Variants in GTPBP6 observed in about 807,000 individuals in gnomAD.
The protein encoded by GTPBP6 is GTP binding protein 6.
In GTPBP6, 33 loss-of-function variants were observed where a neutral mutation model predicts 28.9. That is an observed-to-expected ratio of 1.14 (90% confidence interval 0.87 to 1.53). GTPBP6 has a LOEUF of 1.53. Ranked by LOEUF, GTPBP6 falls within the 40% of genes most tolerant of loss-of-function variation. GTPBP6 has a pLI of 0.00. For missense variants in GTPBP6, 507 were observed against 408.3 expected (o/e 1.24, Z -2.08); for synonymous variants, 231 against 192.7 (o/e 1.20, Z -1.65).
intron 4 of GTPBP6, 107 bp from the exon 5 acceptor site, chrX:314,324 G>T (rs2070383488): frequency 5.4e-6 from 5 of 921,002 alleles, no homozygotes; most frequent in Non-Finnish European, 8.9e-6. Flanking sequence ...TGGGCCGAAG[G>T]GAGGAGCCGC....
At chrX:316,251 G>A (rs1210528614) in intron 2 of GTPBP6, among the ~76,000 whole-genome samples, 1 of 15,830 alleles carries the variant, frequency 6.3e-5, no homozygotes, top group Non-Finnish European at 1.6e-4. Flanking sequence ...ACATACACAC[G>A]CAGACACACA....
At chrX:318,735 C>T in exon 1 of GTPBP6, 1 of 339,632 alleles carries the variant, frequency 2.9e-6, no homozygotes, top group Non-Finnish European at 5.3e-6. Flanking sequence ...GCGGCCGCGG[C>T]CCACGCGGGA....
intron 2 of GTPBP6, among the ~76,000 whole-genome samples, chrX:315,504 T>G (rs1199567221): frequency 1.1e-5 from 1 of 92,468 alleles, no homozygotes; most frequent in Non-Finnish European, 2.4e-5. Context: ...GACATAGACA[T>G]GCATACGGTG....
intron 9 of GTPBP6, 29 bp from the exon 10 acceptor site, chrX:305,226 C>T: frequency 6.6e-7 from 1 of 1,518,292 alleles, no homozygotes; most frequent in Non-Finnish European, 9.1e-7. Flanking sequence ...TGTATGGAGA[C>T]AAGCAGAACC....
In GTPBP6 at chrX:311,546, G is replaced by A. The variant is rs755353457; in HGVS notation, c.998C>T (p.Thr333Met). 2.0e-5 allele frequency: 33 copies of A among 1,612,194 alleles called. No homozygotes were observed. The Middle Eastern group carries it at 5.9e-4, about 29-fold the overall frequency. Residue 333 changes from threonine to methionine, a missense_variant, in exon 7 of 10, where the codon ACG (threonine) becomes ATG (methionine). Thr to Met is a moderately conservative substitution (Grantham distance 81). Coordinates refer to ENST00000326153, the Ensembl canonical transcript of GTPBP6. ...TGAGGGCAGCGTGCCCGCGTGGGCC[G>A]TGACGTCCAGCGTGGCAAACAGCTG...
chrX:315,597 C>G (rs1395319028), intron 2 of GTPBP6, among the ~76,000 whole-genome samples: 21,086 of 126,436 alleles, frequency 0.17, 556 homozygotes, highest in Middle Eastern at 0.33. Context: ...GTAAATACAT[C>G]CCGACAGGGA....
exon 4 of GTPBP6, chrX:314,892 G>A (rs2070400578): frequency 5.0e-6 from 2 of 398,758 alleles, no homozygotes; most frequent in East Asian, 3.6e-5. Flanking sequence ...CACGATACCT[G>A]TGCAGCGGCA....
intron 4 of GTPBP6, among the ~76,000 whole-genome samples, chrX:314,542 G>A (rs1262838596): frequency 3.1e-4 from 47 of 151,606 alleles, no homozygotes; most frequent in African/African-American, 9.9e-4. Context: ...GCGTGATCTC[G>A]GCTCACTGCA....
exon 10 of GTPBP6, chrX:305,058 C>G: frequency 6.2e-7 from 1 of 1,611,372 alleles, no homozygotes; most frequent in Non-Finnish European, 8.5e-7. Flanking sequence ...CCCCGCAGGC[C>G]TCTGTGGGCG....
At position 314,680 on chromosome X, in the gene GTPBP6, G is replaced by A. The variant is rs1423430707; in HGVS notation, c.689+210C>T. On this transcript the variant is annotated intron_variant, in intron 4 of 9. Transcript: ENST00000326153. ...TTTAGTACAGACGGGGTTTCACCGT[G>A]TTGGCCAGGATGGTCTCGATCTCGT... is the stretch of plus-strand genomic sequence containing the variant. Among the ~76,000 whole-genome samples the A allele has an allele frequency of 6.1e-3, 927 of 152,140 alleles. 7 individuals are homozygous for A. The highest frequency in any genetic ancestry group is 0.021 in the African/African-American group (873 of 41,526).
At position 311,460 on chromosome X, in the gene GTPBP6, T is replaced by C. The variant is rs1466676570; in HGVS notation, c.1084A>G (p.Ile362Val). The C allele has an allele frequency of 1.9e-6, 3 of 1,539,780 alleles. No homozygotes were observed. In the South Asian group the frequency reaches 3.5e-5, roughly 18 times the overall value. ...TCCAGGGTGGCGGAGAAGGACTCGA[T>C]GAGGCCGTGCGGCAGCTGGGAGAGG... The change falls in exon 7 of 10, where the codon ATC becomes GTC. Residue 362 changes from isoleucine to valine, a missense_variant. Transcript: ENST00000326153.
chrX:316,963 C>T (rs1270366408), exon 2 of GTPBP6: 4 of 398,532 alleles, frequency 1.0e-5, no homozygotes, highest in Non-Finnish European at 1.3e-5. Flanking sequence ...TCCTGTCCGG[C>T]GTTTTGGTGG....
At position 314,250 on chromosome X, in the gene GTPBP6, C is replaced by T. The variant is rs190231584; in HGVS notation, c.690-33G>A. The stretch of plus-strand genomic sequence containing the variant: ...GGGAACGGGAGTGGCTCGGTCTCTG[C>T]GGACGCTGTCTCCCTCCCGGCAGAG... On this transcript the variant is annotated intron_variant, in intron 4 of 9. Coordinates refer to ENST00000326153, the Ensembl canonical transcript of GTPBP6. 201 of 1,560,862 alleles carry T rather than the reference C, an allele frequency of 1.3e-4. 1 individual carries two copies. Among genetic ancestry groups the T allele is most frequent in the African/African-American group, 1.2e-3 (92 of 73,878 alleles).
chrX:312,993 G>A (rs1448089101), intron 5 of GTPBP6, 69 bp from the exon 6 acceptor site: 25 of 1,442,710 alleles, frequency 1.7e-5, no homozygotes, highest in African/African-American at 8.4e-5. Flanking sequence ...GCGGTGCCGC[G>A]GAGGGTCTGC....
intron 7 of GTPBP6, among the ~76,000 whole-genome samples, chrX:308,978 A>T (rs1437683888): frequency 3.3e-5 from 5 of 151,742 alleles, no homozygotes; most frequent in African/African-American, 1.2e-4. Context: ...ACCCGCCTCA[A>T]CCTCCCAAAG....
At chrX:315,685 T>TACACACACAGAC (rs2070420931) in intron 2 of GTPBP6, among the ~76,000 whole-genome samples, 2 of 2,312 alleles carry the variant, frequency 8.7e-4, no homozygotes, top group Non-Finnish European at 2.3e-3. Context: ...CACAAACACA[T>TACACACACAGAC]ACACACACAC....
exon 7 of GTPBP6, chrX:311,597 C>G (rs902198680): frequency 6.2e-7 from 1 of 1,612,186 alleles, no homozygotes; most frequent in African/African-American, 1.3e-5. Context: ...GGCGGCATCG[C>G]CCGTCAGTGC....
chrX:305,187 T>C lies in GTPBP6; in HGVS notation c.1438A>G (p.Lys480Glu), dbSNP rs752305946. The change falls in exon 10 of 10, where the codon AAG (lysine) becomes GAG (glutamate). Residue 480 changes from lysine (K) to glutamate (E), a missense_variant. By Grantham distance (56) the Lys-to-Glu change is moderately conservative. Transcript: ENST00000326153. ...TCCACCTCCTGAACTGTGGCCTCCT[T>C]ATACAGCCAGCTGGGCACAGATGCG... is the stretch of plus-strand genomic sequence containing the variant. The C allele has an allele frequency of 6.8e-6, 11 of 1,613,296 alleles. No homozygotes were observed. In the African/African-American group the frequency reaches 8.0e-5, roughly 12 times the overall value.
In GTPBP6 at chrX:307,890, G is replaced by A. The variant is rs367774295; in HGVS notation, c.1126-10C>T. ...CGTGCAAGATGAGATCCTGTGGGCC[G>A]GGCCGTGGGGTCAGAGCTGCGGAGC... On this transcript the variant is annotated splice_polypyrimidine_tract_variant and intron_variant, in intron 7 of 9. Transcript: ENST00000326153. The A allele has an allele frequency of 4.5e-5, 68 of 1,508,318 alleles. No individual in the cohort carries two copies. Among genetic ancestry groups the A allele is most frequent in the African/African-American group, 3.4e-4 (24 of 71,302 alleles). The allele number at this position is 1,508,318 out of a possible 1,614,324, so 93.4% of individuals were successfully genotyped here.
Sources: gnomAD v4.1 joint callset for allele counts (sites outside exome capture counted in the v4.1 genomes callset) on GRCh38, gnomAD v4.1.1 for gene constraint, MANE v1.5 for transcripts, NCBI Gene and HGNC (gene_info 2026-07-23, HGNC 2026-07-21) for gene names.